SLC39A11: variants seen among roughly 807,000 people sequenced by gnomAD.
The protein encoded by SLC39A11 is zinc transporter ZIP11.
In SLC39A11, 33 loss-of-function variants were observed where a neutral mutation model predicts 36.1. The observed-to-expected ratio is 0.91, with a 90% CI of 0.69 to 1.22. The LOEUF is 1.22. Ranked by LOEUF, SLC39A11 falls within the 50% of genes most tolerant of loss-of-function variation. The pLI is 0.00. For synonymous variants in SLC39A11, 166 were observed against 170.3 expected (o/e 0.97, Z 0.20); for missense variants, 432 against 430.3 (o/e 1.00, Z -0.03).
At chr17:72,724,405 C>G (rs2073837689) in intron 7 of SLC39A11, among the ~76,000 whole-genome samples, 1 of 152,132 alleles carries the variant, frequency 6.6e-6, no homozygotes, top group Admixed American at 6.5e-5. Flanking sequence ...AGGGGCACTT[C>G]TTGCAGTTCA....
chr17:73,015,093 T>C (rs1382664651), intron 4 of SLC39A11, among the ~76,000 whole-genome samples: 1 of 152,220 alleles, frequency 6.6e-6, no homozygotes, highest in African/African-American at 2.4e-5. Flanking sequence ...TCCCAAATAC[T>C]GAGTTTCCAT....
chr17:72,963,719 A>G (rs1382562709), intron 4 of SLC39A11, among the ~76,000 whole-genome samples: 2 of 152,194 alleles, frequency 1.3e-5, no homozygotes, highest in Admixed American at 6.5e-5. Flanking sequence ...TGATACATCA[A>G]TAAATGACAA....
chr17:72,944,445 C>G (rs1012095166), intron 5 of SLC39A11, among the ~76,000 whole-genome samples: 1 of 152,150 alleles, frequency 6.6e-6, no homozygotes, highest in Non-Finnish European at 1.5e-5. Flanking sequence ...ACAACTGAGA[C>G]AGAGAAGCCC....
intron 3 of SLC39A11, among the ~76,000 whole-genome samples, chr17:73,077,427 C>T (rs1233667082): frequency 6.6e-6 from 1 of 152,238 alleles, no homozygotes; most frequent in African/African-American, 2.4e-5. Flanking sequence ...GAGCAATTCT[C>T]CTGCCTTAGC....
chr17:72,895,675 A>G (rs1311824734), intron 5 of SLC39A11, among the ~76,000 whole-genome samples: 1 of 152,026 alleles, frequency 6.6e-6, no homozygotes, highest in Non-Finnish European at 1.5e-5. Context: ...CCTAAAGGGA[A>G]GCAAACATCT....
intron 4 of SLC39A11, among the ~76,000 whole-genome samples, chr17:72,985,406 CCTTT>C (rs1442628999): frequency 2.7e-5 from 2 of 75,414 alleles, no homozygotes; most frequent in African/African-American, 9.0e-5. Flanking sequence ...ATGGGGCCTG[CCTTT>C]TTTTTTTTTT....
At chr17:72,723,312 G>T (rs1454185951) in intron 7 of SLC39A11, among the ~76,000 whole-genome samples, 1 of 107,358 alleles carries the variant, frequency 9.3e-6, no homozygotes, top group African/African-American at 3.6e-5. Context: ...GTCTTTGTAG[G>T]AGTGTAAGAG....
chr17:72,805,637 C>A (rs72847905), intron 6 of SLC39A11, among the ~76,000 whole-genome samples: 16,491 of 152,240 alleles, frequency 0.11, 1,279 homozygotes, highest in African/African-American at 0.22. Context: ...GGATTTGTAT[C>A]TTACCTGATC....
At chr17:73,089,536 T>C (rs1182750636) in intron 1 of SLC39A11, among the ~76,000 whole-genome samples, 1 of 152,134 alleles carries the variant, frequency 6.6e-6, no homozygotes, top group Non-Finnish European at 1.5e-5. Flanking sequence ...TTTCTGGCCT[T>C]CCCCAGCCCT....
chr17:72,820,520 G>T (rs190052301), intron 6 of SLC39A11, among the ~76,000 whole-genome samples: 1 of 150,924 alleles, frequency 6.6e-6, no homozygotes, highest in African/African-American at 2.4e-5. Flanking sequence ...TCCTGCCACC[G>T]CGGATCTATT....
intron 3 of SLC39A11, among the ~76,000 whole-genome samples, chr17:73,083,760 A>G (rs2144797533): frequency 6.6e-6 from 1 of 152,352 alleles, no homozygotes; most frequent in East Asian, 1.9e-4. Flanking sequence ...CTTAAAAGAT[A>G]TAACAAGCAA....
chr17:72,764,505 AT>A (rs2075697876), intron 6 of SLC39A11, among the ~76,000 whole-genome samples: 1 of 151,978 alleles, frequency 6.6e-6, no homozygotes, highest in African/African-American at 2.4e-5. Context: ...CCTTAGGGGG[AT>A]GACAGTTTTC....
In SLC39A11 at chr17:72,962,527, G is replaced by A. The variant is rs570314030; in HGVS notation, c.307-14652C>T. On this transcript the variant is annotated intron_variant, in intron 4 of 9. Coordinates refer to ENST00000255559, the MANE Select transcript of SLC39A11 (RefSeq NM_139177.4). ...TTCCTAGAGGCTGCCCTTGGGTTTT[G>A]GGGGTTTTTTGCTAATTTTTTTTTT... Among the ~76,000 whole-genome samples, 5 of 152,182 alleles carry A rather than the reference G, an allele frequency of 3.3e-5. No homozygotes were observed. The East Asian group carries it at 5.8e-4, about 18-fold the overall frequency.
intron 7 of SLC39A11, among the ~76,000 whole-genome samples, chr17:72,692,543 T>C (rs1345863550): frequency 6.6e-6 from 1 of 152,158 alleles, no homozygotes; most frequent in Non-Finnish European, 1.5e-5. Flanking sequence ...TGGAAATCCC[T>C]GATAAACCCA....
At chr17:72,715,026 A>G (rs1440560035) in intron 7 of SLC39A11, among the ~76,000 whole-genome samples, 1 of 152,118 alleles carries the variant, frequency 6.6e-6, no homozygotes, top group Non-Finnish European at 1.5e-5. Flanking sequence ...TCCTCTCGTG[A>G]TGTCTATTCT....
chr17:72,753,145 A>G (rs1406298821), intron 6 of SLC39A11, among the ~76,000 whole-genome samples: 1 of 152,242 alleles, frequency 6.6e-6, no homozygotes, highest in African/African-American at 2.4e-5. Context: ...GGCATGAGCC[A>G]CTGCTTGTTT....
At chr17:73,006,651 AACACACAC>A (rs144245639) in intron 4 of SLC39A11, among the ~76,000 whole-genome samples, 3 of 149,132 alleles carry the variant, frequency 2.0e-5, no homozygotes, top group Admixed American at 1.3e-4. Flanking sequence ...TCAGTTTGTA[AACACACAC>A]ACACACACAC....
chr17:72,947,278 C>T (rs1188005588), intron 5 of SLC39A11, among the ~76,000 whole-genome samples: 1 of 150,824 alleles, frequency 6.6e-6, no homozygotes, highest in Non-Finnish European at 1.5e-5. Context: ...GGCGCCACTG[C>T]ACTCCAGCCT....
rs149793462 is a variant in SLC39A11, at chr17:72,768,072, C to T, written c.602-31353G>A. On this transcript the variant is annotated intron_variant, in intron 6 of 9. Coordinates refer to ENST00000255559, the MANE Select transcript of SLC39A11 (RefSeq NM_139177.4). ...GCTGTCCTCTTAAGCTGAGTTGCTC[C>T]CTGGTGGGGGCCACAGGAGCTATCA... Among the ~76,000 whole-genome samples, 166 of 152,144 alleles carry T rather than the reference C, an allele frequency of 1.1e-3. 2 individuals carry two copies. The highest frequency in any genetic ancestry group is 6.8e-3 in the Middle Eastern group (2 of 294).
Sources: gnomAD v4.1 joint callset for allele counts (sites outside exome capture counted in the v4.1 genomes callset) on GRCh38, gnomAD v4.1.1 for gene constraint, MANE v1.5 for transcripts, NCBI Gene and HGNC (gene_info 2026-07-23, HGNC 2026-07-21) for gene names.